The following RRM2 variants were observed in gnomAD, a reference collection of about 807,000 sequenced individuals.
RRM2 encodes ribonucleoside-diphosphate reductase subunit M2.
Under a neutral mutation model 45.9 loss-of-function variants are expected in RRM2, and 6 were observed. The observed-to-expected ratio is 0.13, with a 90% CI of 0.07 to 0.26. The LOEUF (loss-of-function observed/expected upper bound fraction) is 0.26, where lower values mean the gene tolerates loss of function less well. RRM2 is among the 10% of genes least tolerant of loss of function. RRM2 has a pLI of 1.00. For missense variants in RRM2, 343 were observed against 489.5 expected, an observed-to-expected ratio of 0.70 and a Z score of 2.82; for synonymous variants, 177 against 173.0, an observed-to-expected ratio of 1.02 and a Z score of -0.18.
At chr2:10,181,299 T>A (rs896649250) in intron 3 of RRM2, among the ~76,000 whole-genome samples, 3 of 146,196 alleles carry the variant, frequency 2.1e-5, no homozygotes, top group African/African-American at 7.7e-5. Context: ...ATATTGCAAT[T>A]TGCCTGCAGG....
At chr2:10,190,323 T>C (rs1558402755) in intron 3 of RRM2, among the ~76,000 whole-genome samples, 1 of 123,256 alleles carries the variant, frequency 8.1e-6, no homozygotes, top group Non-Finnish European at 1.7e-5. Flanking sequence ...GATGATGTGA[T>C]GGTGGTGGTG....
intron 5 of RRM2, among the ~76,000 whole-genome samples, chr2:10,125,705 C>T (rs1030462573): frequency 4.6e-5 from 7 of 152,146 alleles, no homozygotes; most frequent in Non-Finnish European, 8.8e-5. Context: ...CAAAGGTCAG[C>T]TTTGGGGACC....
chr2:10,148,443 A>G (rs186095036), intron 3 of RRM2, among the ~76,000 whole-genome samples: 1 of 152,238 alleles, frequency 6.6e-6, no homozygotes. Context: ...AAAGGTTTCT[A>G]GTCTTTGTGT....
intron 2 of RRM2, chr2:10,142,132 G>C (rs1663097086): frequency 6.4e-7 from 1 of 1,563,990 alleles, no homozygotes; most frequent in Non-Finnish European, 8.7e-7. Flanking sequence ...AAGGCCCTGT[G>C]GCAGGCGCGT....
chr2:10,142,135 A>G, intron 2 of RRM2: 1 of 1,516,526 alleles, frequency 6.6e-7, no homozygotes, highest in South Asian at 1.2e-5. Flanking sequence ...GCCCTGTGGC[A>G]GGCGCGTCTG....
chr2:10,199,653 G>C (rs905824248), intron 3 of RRM2, among the ~76,000 whole-genome samples: 1 of 151,570 alleles, frequency 6.6e-6, no homozygotes, highest in East Asian at 2.0e-4. Flanking sequence ...GGTGGCGGGC[G>C]CCTGAAGTCC....
At chr2:10,155,982 G>A (rs1414812534) in intron 3 of RRM2, 3 of 152,286 alleles carry the variant, frequency 2.0e-5, no homozygotes, top group African/African-American at 7.2e-5. Context: ...TGACTCCAGA[G>A]CCCGCCAGCC....
At chr2:10,151,878 G>A (rs542107051) in intron 3 of RRM2, among the ~76,000 whole-genome samples, 1 of 152,132 alleles carries the variant, frequency 6.6e-6, no homozygotes, top group African/African-American at 2.4e-5. Flanking sequence ...CTTTTTAAAT[G>A]TACTTATTTT....
intron 3 of RRM2, among the ~76,000 whole-genome samples, chr2:10,184,091 TAAAAAAAAA>T (rs60421650): frequency 7.2e-4 from 22 of 30,686 alleles, no homozygotes; most frequent in African/African-American, 2.4e-3. Flanking sequence ...AGACTCCATC[TAAAAAAAAA>T]AAAAAAAAAA....
chr2:10,125,001 C>T (rs978407298), intron 5 of RRM2, 151 bp downstream of exon 5: 3 of 632,110 alleles, frequency 4.7e-6, no homozygotes, highest in Admixed American at 3.1e-5. Flanking sequence ...CTGCTCTTAG[C>T]AAGGGGCCTA....
intron 3 of RRM2, among the ~76,000 whole-genome samples, chr2:10,177,698 CCTT>C (rs1558398435): frequency 3.1e-5 from 4 of 128,998 alleles, no homozygotes; most frequent in African/African-American, 1.1e-4. Flanking sequence ...TTCCTTCCTT[CCTT>C]CCTTCCTCTC....
exon 2 of RRM2, chr2:10,141,867 G>A (rs751228052): frequency 5.1e-5 from 80 of 1,562,334 alleles, no homozygotes; most frequent in South Asian, 8.3e-5. Flanking sequence ...CTGGGAGACC[G>A]TGAAGTGCAA....
At chr2:10,128,774 G>A in intron 7 of RRM2, 74 bp from the exon 8 acceptor site, 1 of 1,089,182 alleles carries the variant, frequency 9.2e-7, no homozygotes, top group Non-Finnish European at 1.4e-6. Context: ...TGCAGAAAAG[G>A]ACAAAGTAAT....
At chr2:10,161,356 G>T (rs1284544291) in intron 3 of RRM2, among the ~76,000 whole-genome samples, 2 of 152,186 alleles carry the variant, frequency 1.3e-5, no homozygotes, top group Admixed American at 1.3e-4. Context: ...ACTGCGCCTG[G>T]CCTGGCGGTT....
At chr2:10,200,470 A>C (rs1664533092) in intron 3 of RRM2, among the ~76,000 whole-genome samples, 1 of 68,266 alleles carries the variant, frequency 1.5e-5, no homozygotes, top group African/African-American at 4.5e-5. Flanking sequence ...CCGCGCGCGC[A>C]AAATATGAGG....
chr2:10,198,012 G>A (rs969070646), intron 3 of RRM2, among the ~76,000 whole-genome samples: 2 of 152,142 alleles, frequency 1.3e-5, no homozygotes, highest in South Asian at 4.1e-4. Flanking sequence ...AAGCACGTCC[G>A]CTCTGTCGTT....
chr2:10,180,585 C>T (rs1572521056), intron 3 of RRM2, among the ~76,000 whole-genome samples: 1 of 152,112 alleles, frequency 6.6e-6, no homozygotes, highest in Non-Finnish European at 1.5e-5. Context: ...AACCTCAGGC[C>T]TCCAGGGCTC....
chr2:10,122,726 T>G (rs1558378352), upstream of RRM2: 2 of 1,551,068 alleles, frequency 1.3e-6, no homozygotes, highest in Non-Finnish European at 1.7e-6. Context: ...GCTGCTGGAG[T>G]GAGGGGTCGC....
At chr2:10,135,889 G>A (rs372429449), downstream of RRM2, among the ~76,000 whole-genome samples, 5 of 152,110 alleles carry the variant, frequency 3.3e-5, no homozygotes, top group African/African-American at 1.2e-4. Context: ...AGGGACTGAT[G>A]AGTCCTGGGC....
Sources: allele counts gnomAD v4.1 joint callset (sites outside exome capture counted in the v4.1 genomes callset), GRCh38; gene constraint gnomAD v4.1.1; transcripts MANE v1.5; gene names NCBI Gene and HGNC (gene_info 2026-07-23, HGNC 2026-07-21).